SLC5A7: variants seen among roughly 807,000 people sequenced by gnomAD.
SLC5A7 encodes high affinity choline transporter 1.
In SLC5A7, 19 loss-of-function variants were observed where a neutral mutation model predicts 55.4. The ratio of observed to expected loss-of-function variants is 0.34; its 90% CI spans 0.24 to 0.50. The LOEUF (loss-of-function observed/expected upper bound fraction) is 0.50, where lower values mean the gene tolerates loss of function less well. SLC5A7 is among the 20% of genes least tolerant of loss of function. The pLI, the probability that SLC5A7 is intolerant of heterozygous loss-of-function variation, is 0.98. For synonymous variants in SLC5A7, 265 were observed against 263.7 expected, an observed-to-expected ratio of 1.00 and a Z score of -0.05; for missense variants, 506 against 705.3, an observed-to-expected ratio of 0.72 and a Z score of 3.20.
chr2:107,990,425 C>G (rs1395610960), intron 2 of SLC5A7, among the ~76,000 whole-genome samples: 4 of 151,956 alleles, frequency 2.6e-5, no homozygotes, highest in Non-Finnish European at 4.4e-5. Context: ...GACGTGTTAG[C>G]AATTCCAGTT....
intron 4 of SLC5A7, among the ~76,000 whole-genome samples, chr2:107,995,856 T>G (rs979343842): frequency 6.6e-6 from 1 of 152,172 alleles, no homozygotes; most frequent in Non-Finnish European, 1.5e-5. Flanking sequence ...TTCATAACTT[T>G]GCAGGATACT....
At chr2:108,004,032 C>T (rs548118126) in intron 6 of SLC5A7, among the ~76,000 whole-genome samples, 1 of 152,088 alleles carries the variant, frequency 6.6e-6, no homozygotes, top group Non-Finnish European at 1.5e-5. Context: ...AATGAGGGCT[C>T]CACCCTCATG....
chr2:108,010,397 G>A lies in SLC5A7; in HGVS notation c.1279G>A (p.Val427Ile). The A allele has an allele frequency of 6.2e-7, 1 of 1,613,910 alleles. No homozygotes were observed. The highest frequency in any genetic ancestry group is 8.5e-7 in the Non-Finnish European group (1 of 1,179,938). Residue 427 changes from valine to isoleucine, a missense_variant, in exon 9 of 9, where the codon GTT (valine) becomes ATT (isoleucine). Physicochemically the swap from Val to Ile is conservative, Grantham distance 29 (BLOSUM62 3). Coordinates refer to ENST00000264047, the MANE Select transcript of SLC5A7 (RefSeq NM_021815.5). ...CCCCCAGCTGCTTTGTGTACTCTTT[G>A]TTAAGGGAACCAACACCTATGGGGC... ...IFPQLLCVLFVKGTNTYGAVA... is the reference protein window; with the variant it reads ...IFPQLLCVLFIKGTNTYGAVA...
intron 2 of SLC5A7, among the ~76,000 whole-genome samples, chr2:107,990,002 C>A (rs1253640595): frequency 6.6e-6 from 1 of 152,000 alleles, no homozygotes; most frequent in Non-Finnish European, 1.5e-5. Flanking sequence ...TCTCAGAACT[C>A]AAAATAACCT....
chr2:107,994,137 A>G (rs1389325465), intron 4 of SLC5A7, among the ~76,000 whole-genome samples: 1 of 152,160 alleles, frequency 6.6e-6, no homozygotes, highest in Admixed American at 6.5e-5. Flanking sequence ...GGCAGCTGGG[A>G]GATGGAAGCT....
At chr2:107,991,854 G>T (rs560289880) in intron 2 of SLC5A7, among the ~76,000 whole-genome samples, 9 of 152,032 alleles carry the variant, frequency 5.9e-5, no homozygotes, top group Non-Finnish European at 1.0e-4. Context: ...AAAACAAAAA[G>T]AAATAGGTAA....
intron 2 of SLC5A7, among the ~76,000 whole-genome samples, chr2:107,988,922 A>G (rs1677343437): frequency 6.6e-6 from 1 of 152,206 alleles, no homozygotes; most frequent in South Asian, 2.1e-4. Flanking sequence ...CCACAGCACT[A>G]ATAAAGAGAT....
chr2:108,002,750 C>T (rs1460933662), intron 6 of SLC5A7, among the ~76,000 whole-genome samples: 1 of 152,068 alleles, frequency 6.6e-6, no homozygotes, highest in African/African-American at 2.4e-5. Flanking sequence ...AGTGTGGTGG[C>T]TCACCCTGGT....
intron 6 of SLC5A7, among the ~76,000 whole-genome samples, chr2:108,003,215 G>A (rs768311837): frequency 6.6e-6 from 1 of 152,148 alleles, no homozygotes; most frequent in Non-Finnish European, 1.5e-5. Flanking sequence ...CTGCATAGTA[G>A]ATGTGCTTAT....
intron 5 of SLC5A7, among the ~76,000 whole-genome samples, chr2:108,001,158 C>T (rs76605307): frequency 0.028 from 4,288 of 151,984 alleles, 93 homozygotes; most frequent in African/African-American, 0.058. Context: ...CTCCTCCCCC[C>T]ACCCACACAC....
rs779375995 is a variant in SLC5A7, at chr2:108,001,851, A to G, written c.598-46A>G. 5.0e-6 allele frequency: 8 copies of G among 1,604,996 alleles called. No individual in the cohort carries two copies. In the South Asian group the frequency reaches 8.9e-5, roughly 18 times the overall value. Reference sequence around the variant, plus strand: ...TGTACAAATCTTGCATATATCAGACAGTTGAAAACCATCGCCTAGGGCTCC... The same window carrying G: ...TGTACAAATCTTGCATATATCAGACGGTTGAAAACCATCGCCTAGGGCTCC... On this transcript the variant is annotated intron_variant, in intron 5 of 8. Transcript: ENST00000264047.
In SLC5A7 at chr2:107,991,442, C is replaced by T. The variant is rs532237324; in HGVS notation, c.179-664C>T. Among the ~76,000 whole-genome samples the T allele has an allele frequency of 2.2e-4, 34 of 152,232 alleles. No homozygotes were observed. In the South Asian group the frequency reaches 6.6e-3, roughly 30 times the overall value. ...ACACCTTGTAGTAGAAGTGTCATCT[C>T]GATCCTCTCTTCACTCCTAATAACT... is the stretch of plus-strand genomic sequence containing the variant. On this transcript the variant is annotated intron_variant, in intron 2 of 8. Transcript: ENST00000264047.
chr2:107,992,672 T>G (rs1416383752), intron 3 of SLC5A7, among the ~76,000 whole-genome samples: 1 of 152,190 alleles, frequency 6.6e-6, no homozygotes, highest in East Asian at 1.9e-4. Flanking sequence ...AATGCTATGT[T>G]GAGAGATAGA....
Position 107,995,462 on chromosome 2 carries a change from A to AGTGTGT in SLC5A7, c.448+2336_448+2337insTGTGTG, listed in dbSNP as rs1265286737. On this transcript the variant is annotated intron_variant, in intron 4 of 8. Transcript: ENST00000264047. ...CTCTTTGGGAGAGAGAGAGAGAGAG[A>AGTGTGT]GAGAGAGAGTGTGTGTGTGTGTGTG... Among the ~76,000 whole-genome samples, 849 of 127,676 alleles carry AGTGTGT rather than the reference A, an allele frequency of 6.6e-3. 10 individuals carry two copies. Among genetic ancestry groups the AGTGTGT allele is most frequent in the African/African-American group, 0.022 (802 of 36,414 alleles). The allele number at this position is 127,676 out of a possible 152,430, so 83.8% of individuals were successfully genotyped here.
intron 1 of SLC5A7, among the ~76,000 whole-genome samples, chr2:107,987,084 T>G (rs1157894682): frequency 1.3e-5 from 2 of 151,926 alleles, no homozygotes; most frequent in Non-Finnish European, 2.9e-5. Flanking sequence ...TTTTGCCTCC[T>G]TTAAATTCCA....
rs1027922396 is a variant in SLC5A7, at chr2:107,997,920, G to T, written c.531G>T (p.Leu177=). The T allele has an allele frequency of 1.1e-5, 18 of 1,613,944 alleles. No homozygotes were observed. The highest frequency in any genetic ancestry group is 1.5e-5 in the Non-Finnish European group (18 of 1,179,910). Residue 177 remains leucine (L), a synonymous_variant, in exon 5 of 9, where the codon CTG becomes CTT. Transcript: ENST00000264047. ...CACTCATTGCCACTCTGTACACACT[G>T]GTGGGAGGGCTCTATTCTGTGGCCT... ...ISALIATLYT[L]VGGLYSVAYT...
chr2:108,007,902 A>G (rs928992683), intron 7 of SLC5A7, among the ~76,000 whole-genome samples: 2 of 152,202 alleles, frequency 1.3e-5, no homozygotes, highest in African/African-American at 4.8e-5. Flanking sequence ...AAACTTCCTG[A>G]AAATTTCAGC....
In SLC5A7 at chr2:107,992,295, A is replaced by G. The variant is rs372431414; in HGVS notation, c.292+76A>G. On this transcript the variant is annotated intron_variant, in intron 3 of 8. Coordinates refer to ENST00000264047, the MANE Select transcript of SLC5A7 (RefSeq NM_021815.5). ...AAGAGTATAAATAACAAGTGGAATAACAAGTCAAACACTCTGAATAACCAT... is the reference window on the plus strand; with the variant it reads ...AAGAGTATAAATAACAAGTGGAATAGCAAGTCAAACACTCTGAATAACCAT... 5.0e-6 allele frequency: 4 copies of G among 803,462 alleles called. No homozygotes were observed. In the East Asian group the frequency reaches 8.4e-5, roughly 17 times the overall value. The allele number at this position is 803,462 out of a possible 1,614,324, so 49.8% of individuals were successfully genotyped here.
chr2:108,001,961 A>G lies in SLC5A7; in HGVS notation c.662A>G (p.His221Arg), dbSNP rs1369080031. 1 of 1,614,066 alleles carries G rather than the reference A, an allele frequency of 6.2e-7. No homozygotes were observed. Among genetic ancestry groups the G allele is most frequent in the African/African-American group, 1.3e-5 (1 of 74,918 alleles). Reference sequence around the variant, plus strand: ...GCAGACATCGGGTTCACTGCTGTGCATGCCAAATACCAAAAGCCGTGGCTG... The same window carrying G: ...GCAGACATCGGGTTCACTGCTGTGCGTGCCAAATACCAAAAGCCGTGGCTG... The part of the protein sequence containing the change: ...AVADIGFTAV[H>R]AKYQKPWLGT... Residue 221 changes from histidine (H) to arginine (R), a missense_variant, in exon 6 of 9, where the codon CAT becomes CGT. By Grantham distance (29) the His-to-Arg change is conservative. This residue lies in a region of SLC5A7 where 309 missense variants were observed against 478.6 expected (regional missense o/e 0.65). Coordinates refer to ENST00000264047, the MANE Select transcript of SLC5A7 (RefSeq NM_021815.5).
Sources: allele counts gnomAD v4.1 joint callset (sites outside exome capture counted in the v4.1 genomes callset), GRCh38; gene constraint gnomAD v4.1.1; regional missense constraint gnomAD v4.1.1; transcripts MANE v1.5; gene names NCBI Gene and HGNC (gene_info 2026-07-23, HGNC 2026-07-21).